The following CMBL variants were observed in gnomAD, a reference collection of about 807,000 sequenced individuals.
CMBL encodes the protein carboxymethylenebutenolidase homolog, also known as carboxymethylenebutenolidase homolog (Pseudomonas).
CMBL carries 17 observed loss-of-function variants against 28.7 expected under a neutral mutation model. The observed-to-expected ratio is 0.59, with a 90% confidence interval of 0.41 to 0.89. The LOEUF is 0.89. CMBL is among the 40% of genes least tolerant of loss of function. The probability of loss-of-function intolerance (pLI) is 0.00; values close to 1 mark genes in which losing one functional copy is unlikely to be tolerated. For missense variants in CMBL, 310 were observed against 298.5 expected (o/e 1.04, Z -0.28); for synonymous variants, 106 against 101.6 (o/e 1.04, Z -0.26).
chr5:10,286,054 T>TA (rs959591992), intron 4 of CMBL: 29 of 273,476 alleles, frequency 1.1e-4, no homozygotes, highest in African/African-American at 2.0e-4. Flanking sequence ...ATCATTACAT[T>TA]AAAAAAACAA....
In CMBL at chr5:10,301,634, G is replaced by A. The variant is rs867226401; in HGVS notation, c.-20+5991C>T. On this transcript the variant is annotated intron_variant, in intron 1 of 5. Transcript: ENST00000296658. ...TTTTTTTTTTTGGAGACGGAGTCTC[G>A]CTCTCTCACCCAGGCTGGATTGCAG... is the stretch of plus-strand genomic sequence containing the variant. Among the ~76,000 whole-genome samples the A allele has an allele frequency of 9.5e-4, 122 of 128,174 alleles. 1 individual carries two copies. Among genetic ancestry groups the A allele is most frequent in the Middle Eastern group, 5.6e-3 (1 of 178 alleles). 84.1% of individuals were successfully genotyped at this position (128,174 alleles called of 152,430 possible).
Position 10,280,280 on chromosome 5 carries a change from A to G in CMBL, c.*173T>C. The G allele has an allele frequency of 1.9e-6, 1 of 517,170 alleles. No individual in the cohort carries two copies. Among genetic ancestry groups the G allele is most frequent in the Non-Finnish European group, 3.3e-6 (1 of 298,510 alleles). 32.0% of individuals were successfully genotyped at this position (517,170 alleles called of 1,614,324 possible). On this transcript the variant is annotated 3_prime_UTR_variant, in exon 6 of 6. Transcript: ENST00000296658. ...TTATGATTCGATGTACATGTCAAAA[A>G]TTAAATTATTTCATGCATTACGTCC...
rs200615463 is a variant in CMBL, at chr5:10,288,455, C to G, written c.290G>C (p.Trp97Ser). 7 of 1,614,040 alleles carry G rather than the reference C, an allele frequency of 4.3e-6. No homozygotes were observed. Among genetic ancestry groups the G allele is most frequent in the Non-Finnish European group, 5.9e-6 (7 of 1,179,946 alleles). The change falls in exon 3 of 6, where the codon TGG becomes TCG. Residue 97 changes from tryptophan to serine, a missense_variant. Physicochemically the swap from Trp to Ser is radical, Grantham distance 177. Transcript: ENST00000296658. ...CTTCTGGGCATTTCTTGTTTTCAGC[C>G]ACTCAGGGAAGATAGACCAGTCGCC... ...PSGDWSIFPEWLKTRNAQKID... is the reference protein window; with the variant it reads ...PSGDWSIFPESLKTRNAQKID...
rs1561063028 is a variant in CMBL, at chr5:10,289,059, GC to G, written c.216-531del. ...AAGACGGGCAGCAGAGCACAAACAA[GC>G]CTGGCCCCAGTCCAGGTCGCTCTTC... is the stretch of plus-strand genomic sequence containing the variant. On this transcript the variant is annotated intron_variant, in intron 2 of 5. Coordinates refer to ENST00000296658, the MANE Select transcript of CMBL (RefSeq NM_138809.4). This position sits in a 1 kb window ranked among gnomAD's most constrained non-coding sequence, Gnocchi z 4.3. Among the ~76,000 whole-genome samples, 1 of 152,106 alleles carries G rather than the reference GC, an allele frequency of 6.6e-6. No individual in the cohort carries two copies. Among genetic ancestry groups the G allele is most frequent in the African/African-American group, 2.4e-5 (1 of 41,428 alleles).
chr5:10,285,856 G>A (rs554754845), intron 4 of CMBL, among the ~76,000 whole-genome samples: 93 of 150,906 alleles, frequency 6.2e-4, no homozygotes, highest in African/African-American at 1.8e-3. Flanking sequence ...ACGTGACCAC[G>A]CCCAGCTAAT....
intron 1 of CMBL, among the ~76,000 whole-genome samples, chr5:10,304,678 C>T (rs1166300702): frequency 5.9e-5 from 9 of 152,148 alleles, no homozygotes; most frequent in South Asian, 2.1e-4. Flanking sequence ...TTTGGCCAAA[C>T]GCAGTGGCTC....
intron 4 of CMBL, 131 bp downstream of exon 4, chr5:10,286,223 C>T: frequency 1.1e-6 from 1 of 903,520 alleles, no homozygotes; most frequent in Admixed American, 2.8e-5. Flanking sequence ...ATTCTTAAAA[C>T]CCATTTCCAT....
At chr5:10,293,845 T>C (rs949327381) in intron 1 of CMBL, among the ~76,000 whole-genome samples, 4 of 152,142 alleles carry the variant, frequency 2.6e-5, no homozygotes, top group Admixed American at 1.3e-4. Context: ...CACATTCTAG[T>C]GGGATGAAAT....
chr5:10,279,294 AGTTT>A lies in CMBL; in HGVS notation c.*1155_*1158del. 6.6e-6 allele frequency: 1 copy of A among 152,342 alleles called. No individual in the cohort carries two copies. 9.4% of individuals were successfully genotyped at this position (152,342 alleles called of 1,614,324 possible). On this transcript the variant is annotated 3_prime_UTR_variant, in exon 6 of 6. Coordinates refer to ENST00000296658, the MANE Select transcript of CMBL (RefSeq NM_138809.4). ...TGCAAATTCAAAAATTCAAAAAATT[AGTTT>A]ATTAGCTTAATATAATTAGGTCAAT...
Position 10,289,813 on chromosome 5 carries a change from C to A in CMBL, c.215+735G>T, listed in dbSNP as rs1746671729. 6.6e-6 allele frequency among the ~76,000 whole-genome samples: 1 copy of A among 152,156 alleles called. No individual in the cohort carries two copies. The highest frequency in any genetic ancestry group is 1.5e-5 in the Non-Finnish European group (1 of 68,012). The stretch of plus-strand genomic sequence containing the variant: ...GATTCCTTTAAGCCAGTTTCTCTTC[C>A]TAGAAAAACAAGGTAGGCTCATCCT... On this transcript the variant is annotated intron_variant, in intron 2 of 5. Transcript: ENST00000296658. This position sits in a 1 kb window ranked among gnomAD's most constrained non-coding sequence, Gnocchi z 4.3.
intron 1 of CMBL, 46 bp from the exon 2 acceptor site, chr5:10,290,827 A>G: frequency 7.1e-7 from 1 of 1,399,490 alleles, no homozygotes; most frequent in Non-Finnish European, 1.0e-6. Context: ...CTGCAAATCT[A>G]AAGGCTATAA....
intron 1 of CMBL, chr5:10,291,916 G>C (rs1368717143): frequency 6.6e-6 from 1 of 152,136 alleles, no homozygotes; most frequent in Non-Finnish European, 1.5e-5. Flanking sequence ...AAATAAACAA[G>C]AATCAGCAGA....
At chr5:10,304,432 G>T (rs1579479171) in intron 1 of CMBL, among the ~76,000 whole-genome samples, 1 of 152,242 alleles carries the variant, frequency 6.6e-6, no homozygotes, top group South Asian at 2.1e-4. Context: ...TATTGAATCT[G>T]TGTGTTTGGC....
rs1021727547 is a variant in CMBL, at chr5:10,280,565, C to T, written c.626G>A (p.Gly209Glu). 1 of 1,613,552 alleles carries T rather than the reference C, an allele frequency of 6.2e-7. No individual in the cohort carries two copies. Among genetic ancestry groups the T allele is most frequent in the Non-Finnish European group, 8.5e-7 (1 of 1,179,606 alleles). Residue 209 changes from glycine to glutamate, a missense_variant, in exon 6 of 6, where the codon GGG becomes GAG. Gly to Glu is a moderately conservative substitution (Grantham distance 98, BLOSUM62 -2). Transcript: ENST00000296658. The stretch of plus-strand genomic sequence containing the variant: ...CCGATGCACGAACCCATGAGTCTGC[C>T]CAGAAAATGTTTTAATTTGATATTC... ...KVEYQIKTFS[G>E]QTHGFVHRKR...
intron 4 of CMBL, 117 bp from the exon 5 acceptor site, chr5:10,282,405 T>G: frequency 1.6e-6 from 1 of 640,340 alleles, no homozygotes; most frequent in South Asian, 1.9e-5. Flanking sequence ...CATTTGGGTT[T>G]GATTTTTCAA....
chr5:10,295,818 C>A (rs746938023), intron 1 of CMBL, among the ~76,000 whole-genome samples: 3 of 152,202 alleles, frequency 2.0e-5, no homozygotes, highest in Non-Finnish European at 2.9e-5. Context: ...CAACTGCCCA[C>A]AACACTCTGC....
At chr5:10,284,305 T>C (rs1579470565) in intron 4 of CMBL, among the ~76,000 whole-genome samples, 1 of 152,382 alleles carries the variant, frequency 6.6e-6, no homozygotes, top group East Asian at 1.9e-4. Context: ...TTTGAGTTTA[T>C]GTCCTTTTGT....
chr5:10,300,141 C>CA (rs1435839066), intron 1 of CMBL, among the ~76,000 whole-genome samples: 1 of 152,150 alleles, frequency 6.6e-6, no homozygotes, highest in African/African-American at 2.4e-5. Flanking sequence ...ACCATAAATC[C>CA]AATGACTGGT....
chr5:10,284,492 G>A (rs1746561388), intron 4 of CMBL, among the ~76,000 whole-genome samples: 1 of 152,196 alleles, frequency 6.6e-6, no homozygotes. Context: ...TGGTGCACAA[G>A]CGACACTCAT....
Sources: gnomAD v4.1 joint callset for allele counts (sites outside exome capture counted in the v4.1 genomes callset) on GRCh38, gnomAD v4.1.1 for gene constraint, Gnocchi (gnomAD v3.1) non-coding constraint, MANE v1.5 for transcripts, NCBI Gene and HGNC (gene_info 2026-07-23, HGNC 2026-07-21) for gene names.